Variants in MORC3 observed in about 807,000 individuals in gnomAD.
The protein encoded by MORC3 is MORC family CW-type zinc finger 3.
A neutral mutation model predicts 109.1 loss-of-function variants in MORC3; 31 were observed. That is an observed-to-expected ratio of 0.28 (90% CI 0.21 to 0.38). MORC3 has a LOEUF of 0.38. Among genes scored for constraint, MORC3 ranks in the 10% least tolerant of loss-of-function variants. MORC3 has a pLI of 1.00. For synonymous variants in MORC3, 395 were observed against 380.7 expected (o/e 1.04, Z -0.44); for missense variants, 867 against 1,135.8 (o/e 0.76, Z 3.40).
intron 1 of MORC3, among the ~76,000 whole-genome samples, chr21:36,333,033 C>T (rs905837704): frequency 1.3e-5 from 2 of 152,044 alleles, no homozygotes; most frequent in East Asian, 1.9e-4. Flanking sequence ...GTGATCTGCC[C>T]GCCTCGGCCT....
chr21:36,359,032 AATTTT>A (rs1251177200), intron 10 of MORC3, among the ~76,000 whole-genome samples: 1 of 152,158 alleles, frequency 6.6e-6, no homozygotes, highest in Non-Finnish European at 1.5e-5. Context: ...AAAGTATACT[AATTTT>A]AGTTATTCAG....
At chr21:36,330,366 T>G (rs1445188597) in intron 1 of MORC3, among the ~76,000 whole-genome samples, 1 of 152,200 alleles carries the variant, frequency 6.6e-6, no homozygotes, top group Non-Finnish European at 1.5e-5. Context: ...TCCTCTCTGT[T>G]GATCCCAGGT....
At chr21:36,328,259 T>C (rs747786139) in intron 1 of MORC3, among the ~76,000 whole-genome samples, 25 of 152,106 alleles carry the variant, frequency 1.6e-4, no homozygotes, top group Non-Finnish European at 2.8e-4. Flanking sequence ...TTCTTGGCAC[T>C]GGAGTTCCTG....
chr21:36,360,366 A>G, intron 12 of MORC3, 108 bp downstream of exon 12: 2 of 1,136,986 alleles, frequency 1.8e-6, no homozygotes, highest in Non-Finnish European at 2.5e-6. Flanking sequence ...TGTAACTGAA[A>G]AAGTTTATAA....
intron 1 of MORC3, among the ~76,000 whole-genome samples, chr21:36,330,920 A>G (rs998390667): frequency 1.3e-5 from 2 of 152,222 alleles, no homozygotes; most frequent in African/African-American, 2.4e-5. Flanking sequence ...TATACTCCAT[A>G]TTTCACGGAT....
intron 1 of MORC3, among the ~76,000 whole-genome samples, chr21:36,327,391 T>G (rs2085261273): frequency 6.8e-6 from 1 of 147,560 alleles, no homozygotes; most frequent in Non-Finnish European, 1.5e-5. Context: ...ACCTCAAGTG[T>G]TCTGCCCGCC....
intron 14 of MORC3, 89 bp downstream of exon 14, chr21:36,364,348 A>G: frequency 1.5e-6 from 2 of 1,361,846 alleles, no homozygotes; most frequent in Non-Finnish European, 2.0e-6. Context: ...ATTCGGGATC[A>G]TTGTAGGTTC....
intron 9 of MORC3, among the ~76,000 whole-genome samples, chr21:36,355,893 A>G (rs2085639812): frequency 2.0e-5 from 3 of 152,108 alleles, no homozygotes; most frequent in South Asian, 4.1e-4. Flanking sequence ...TTTTTCTTAT[A>G]TTATGACTTT....
At chr21:36,349,758 G>C (rs2085550144) in intron 9 of MORC3, among the ~76,000 whole-genome samples, 1 of 152,228 alleles carries the variant, frequency 6.6e-6, no homozygotes, top group Admixed American at 6.5e-5. Flanking sequence ...TAGGTAAATA[G>C]AGGGCCTGGC....
At position 36,341,563 on chromosome 21, in the gene MORC3, C is replaced by T. The variant is rs1280536411; in HGVS notation, c.756+17C>T. The stretch of plus-strand genomic sequence containing the variant: ...TCCCTGAGGGTATGTATTCAGCTCT[C>T]TTTGTGGAAGTGAGAAAATCATTGA... On this transcript the variant is annotated intron_variant, in intron 6 of 16. Transcript: ENST00000400485. 6.2e-7 allele frequency: 1 copy of T among 1,613,292 alleles called. No homozygotes were observed. The highest frequency in any genetic ancestry group is 2.2e-5 in the East Asian group (1 of 44,864).
intron 1 of MORC3, among the ~76,000 whole-genome samples, chr21:36,327,155 CTTTTTTTTTTTTTTTTTT>C (rs71326674): frequency 1.2e-5 from 1 of 81,952 alleles, no homozygotes; most frequent in Non-Finnish European, 2.1e-5. Context: ...GGCTTTATTT[CTTTTTTTTTTTTTTTTTT>C]TTTTTTTTTG....
chr21:36,375,561 A>G lies in MORC3; in HGVS notation c.*265A>G. 1 of 279,070 alleles carries G rather than the reference A, an allele frequency of 3.6e-6. No homozygotes were observed. The allele number at this position is 279,070 out of a possible 1,614,324, so 17.3% of individuals were successfully genotyped here. A position where few individuals can be genotyped will look rare whatever the true frequency, so the allele number is the denominator to read the frequency against. On this transcript the variant is annotated 3_prime_UTR_variant, in exon 17 of 17. Transcript: ENST00000400485. ...TAAATATTTGTAATTAAGCCTGCAC[A>G]TATTTTTTTATTGCCCTAGAGTACT... is the stretch of plus-strand genomic sequence containing the variant.
chr21:36,353,355 C>CA (rs35837458), intron 9 of MORC3, among the ~76,000 whole-genome samples: 6,056 of 55,418 alleles, frequency 0.11, 493 homozygotes, highest in East Asian at 0.4. Flanking sequence ...GACTCTGTCT[C>CA]AAAAAAAAAA....
rs1479565934 is a variant in MORC3 at position 36,336,543 on chromosome 21, C to CTT, written c.113-330_113-329dup. Among the ~76,000 whole-genome samples the CTT allele has an allele frequency of 6.6e-5, 10 of 152,234 alleles. No homozygotes were observed. In the East Asian group the frequency reaches 1.5e-3, roughly 23 times the overall value. ...ACAGGCGTGAGCCACCACATGCAGA[C>CTT]TTAGTCCATCTTTTAATCATCTCTG... On this transcript the variant is annotated intron_variant, in intron 2 of 16. Coordinates refer to ENST00000400485, the MANE Select transcript of MORC3 (RefSeq NM_015358.3).
rs924764157 is a variant in MORC3, at chr21:36,344,626, A to G, written c.804A>G (p.Leu268=). 2 of 1,614,104 alleles carry G rather than the reference A, an allele frequency of 1.2e-6. No homozygotes were observed. The highest frequency in any genetic ancestry group is 1.6e-4 in the Middle Eastern group (1 of 6,062). ...TAAAGCCAAGAATGCAGATCATCCT[A>G]CGTGGACAGAAAGTGAAGACACAGC... ...LYLKPRMQII[L]RGQKVKTQLV... is the part of the protein sequence containing the mutation. Residue 268 remains leucine, a synonymous_variant, in exon 7 of 17, where the codon CTA becomes CTG. Coordinates refer to ENST00000400485, the MANE Select transcript of MORC3 (RefSeq NM_015358.3).
At chr21:36,365,960 A>G (rs1275996632) in intron 14 of MORC3, among the ~76,000 whole-genome samples, 2 of 152,090 alleles carry the variant, frequency 1.3e-5, no homozygotes, top group Non-Finnish European at 2.9e-5. Context: ...CATATTTTAC[A>G]GTTCTCCTTA....
chr21:36,331,634 G>C (rs375032829), intron 1 of MORC3, among the ~76,000 whole-genome samples: 90 of 151,046 alleles, frequency 6.0e-4, no homozygotes, highest in African/African-American at 2.0e-3. Flanking sequence ...AAAACTACTT[G>C]TGTGTTTTTA....
chr21:36,353,023 T>C (rs1279460308), intron 9 of MORC3, among the ~76,000 whole-genome samples: 1 of 151,102 alleles, frequency 6.6e-6, no homozygotes, highest in Non-Finnish European at 1.5e-5. Context: ...ATATGTTAAA[T>C]ATATACTGTA....
At chr21:36,347,106 TCATTTGACTG>T (rs2085517594) in intron 8 of MORC3, among the ~76,000 whole-genome samples, 2 of 151,192 alleles carry the variant, frequency 1.3e-5, no homozygotes, top group Admixed American at 1.3e-4. Flanking sequence ...CACAAACACA[TCATTTGACTG>T]CATTTGGATA....
Sources: gnomAD v4.1 joint callset for allele counts (sites outside exome capture counted in the v4.1 genomes callset) on GRCh38, gnomAD v4.1.1 for gene constraint, MANE v1.5 for transcripts, NCBI Gene and HGNC (gene_info 2026-07-23, HGNC 2026-07-21) for gene names.